Variants in PIK3AP1 observed in about 807,000 individuals in gnomAD.
The protein encoded by PIK3AP1 is phosphoinositide 3-kinase adapter protein 1.
A neutral mutation model predicts 88.1 loss-of-function variants in PIK3AP1; 21 were observed. The observed-to-expected ratio is 0.24, with a 90% CI of 0.17 to 0.34. The LOEUF (loss-of-function observed/expected upper bound fraction) is 0.34. PIK3AP1 is among the 10% of genes least tolerant of loss of function. PIK3AP1 has a pLI of 1.00. For synonymous variants in PIK3AP1, 398 were observed against 400.0 expected (o/e 1.00, Z 0.06); for missense variants, 828 against 1,035.7 (o/e 0.80, Z 2.75).
chr10:96,652,842 C>T lies in PIK3AP1; in HGVS notation c.568G>A (p.Ala190Thr), dbSNP rs748113882. 1.4e-5 allele frequency: 22 copies of T among 1,612,624 alleles called. No individual in the cohort carries two copies. The Middle Eastern group carries it at 1.6e-3, about 121-fold the overall frequency. Residue 190 changes from alanine to threonine, a missense_variant and splice_region_variant, in exon 4 of 17, where the codon GCA becomes ACA. By Grantham distance (58) the Ala-to-Thr change is moderately conservative (BLOSUM62 0). Around this residue, in one of 3 missense-constraint regions of PIK3AP1, gnomAD observed 610 missense variants for 760.1 expected, o/e 0.80. Coordinates refer to ENST00000339364, the MANE Select transcript of PIK3AP1 (RefSeq NM_152309.3). ...ACAATAACATAGACAGTGGTTTCTGCCTGAAACGGGAAGCCGGTCATTGTC... is the reference window on the plus strand; with the variant it reads ...ACAATAACATAGACAGTGGTTTCTGTCTGAAACGGGAAGCCGGTCATTGTC... ...VVQPDRIRCG[A>T]ETTVYVIVRC...
chr10:96,684,045 C>T (rs560301291), intron 2 of PIK3AP1, among the ~76,000 whole-genome samples: 1 of 152,268 alleles, frequency 6.6e-6, no homozygotes, highest in Non-Finnish European at 1.5e-5. Flanking sequence ...TTTCTGAAAA[C>T]GCCCTGACTT....
At chr10:96,668,463 T>A (rs1364291457) in intron 2 of PIK3AP1, among the ~76,000 whole-genome samples, 1 of 152,226 alleles carries the variant, frequency 6.6e-6, no homozygotes, top group Non-Finnish European at 1.5e-5. Flanking sequence ...GATGAAGGCC[T>A]GTAGCATAAA....
chr10:96,684,778 C>T (rs564617932), intron 2 of PIK3AP1, among the ~76,000 whole-genome samples: 1 of 152,250 alleles, frequency 6.6e-6, no homozygotes, highest in Admixed American at 6.5e-5. Context: ...AAAAACTTCA[C>T]CAAGAACCAT....
intron 4 of PIK3AP1, 44 bp downstream of exon 4, chr10:96,652,654 A>C (rs548940460): frequency 6.3e-7 from 1 of 1,599,982 alleles, no homozygotes; most frequent in Admixed American, 1.7e-5. Context: ...ATAGCAAATA[A>C]GCAATGAAGC....
In PIK3AP1 at chr10:96,600,539, A is replaced by G. The variant is rs543749277; in HGVS notation, c.2360+1741T>C. Among the ~76,000 whole-genome samples, 52 of 152,320 alleles carry G rather than the reference A, an allele frequency of 3.4e-4. 2 individuals carry two copies. In the South Asian group the frequency reaches 0.011, roughly 31 times the overall value. On this transcript the variant is annotated intron_variant, in intron 16 of 16. Coordinates refer to ENST00000339364, the MANE Select transcript of PIK3AP1 (RefSeq NM_152309.3). ...GGAAAGCATGCCCGGTGGGTGTGGCACAGCCTGGGCCTGGGCGATGTTTGA... is the reference window on the plus strand; with the variant it reads ...GGAAAGCATGCCCGGTGGGTGTGGCGCAGCCTGGGCCTGGGCGATGTTTGA...
At chr10:96,629,405 T>C (rs1394847451) in intron 8 of PIK3AP1, among the ~76,000 whole-genome samples, 1 of 152,052 alleles carries the variant, frequency 6.6e-6, no homozygotes, top group Admixed American at 6.6e-5. Flanking sequence ...ACTGGAACCA[T>C]ATTATTTAAT....
Position 96,677,174 on chromosome 10 carries a change from G to A in PIK3AP1, c.431-20240C>T, listed in dbSNP as rs1330646715. Among the ~76,000 whole-genome samples, 4 of 152,144 alleles carry A rather than the reference G, an allele frequency of 2.6e-5. No homozygotes were observed. In the East Asian group the frequency reaches 7.7e-4, roughly 29 times the overall value. On this transcript the variant is annotated intron_variant, in intron 2 of 16. Coordinates refer to ENST00000339364, the MANE Select transcript of PIK3AP1 (RefSeq NM_152309.3). Reference sequence around the variant, plus strand: ...GAGGGGGAACTGCCATCATCAGGGAGAAACACCGATTCAGCCATCTTCTGC... The same window carrying A: ...GAGGGGGAACTGCCATCATCAGGGAAAAACACCGATTCAGCCATCTTCTGC...
intron 1 of PIK3AP1, among the ~76,000 whole-genome samples, chr10:96,715,789 C>T (rs1430105105): frequency 6.6e-6 from 1 of 151,454 alleles, no homozygotes; most frequent in Non-Finnish European, 1.5e-5. Flanking sequence ...ACTCAGGAGG[C>T]TGAGGCAGGA....
rs552636416 is a variant in PIK3AP1, at chr10:96,668,992, C to T, written c.431-12058G>A. Among the ~76,000 whole-genome samples the T allele has an allele frequency of 1.8e-4, 27 of 152,178 alleles. No homozygotes were observed. The South Asian group carries it at 4.3e-3, about 25-fold the overall frequency. On this transcript the variant is annotated intron_variant, in intron 2 of 16. Coordinates refer to ENST00000339364, the MANE Select transcript of PIK3AP1 (RefSeq NM_152309.3). ...TAAAAATATACAAAAATTTGCCAGG[C>T]GTGGTGGCACACGCCTGTAATCCCA... is the stretch of plus-strand genomic sequence containing the variant.
intron 3 of PIK3AP1, among the ~76,000 whole-genome samples, chr10:96,653,093 TAATAATAAC>T (rs1204455802): frequency 6.6e-6 from 1 of 151,870 alleles, no homozygotes; most frequent in Non-Finnish European, 1.5e-5. Flanking sequence ...AAGCTGATAA[TAATAATAAC>T]AATAATAATA....
intron 8 of PIK3AP1, among the ~76,000 whole-genome samples, chr10:96,633,556 G>A (rs1843274345): frequency 6.6e-6 from 1 of 152,176 alleles, no homozygotes; most frequent in South Asian, 2.1e-4. Context: ...AGGAATGCTA[G>A]CTACTATTAT....
At position 96,718,838 on chromosome 10, in the gene PIK3AP1, T is replaced by C. The variant is rs964071115; in HGVS notation, c.13+1544A>G. Among the ~76,000 whole-genome samples, 88 of 152,050 alleles carry C rather than the reference T, an allele frequency of 5.8e-4. 2 individuals carry two copies. Among genetic ancestry groups the C allele is most frequent in the Admixed American group, 1.4e-3 (21 of 15,254 alleles). On this transcript the variant is annotated intron_variant, in intron 1 of 16. Transcript: ENST00000339364. ...GGCTTCACTGGTTTATTATCTGGCC[T>C]CATCTCCCTCTCCCCCACAGCCCAC...
Position 96,673,503 on chromosome 10 carries a change from C to A in PIK3AP1, c.431-16569G>T, listed in dbSNP as rs143744639. The stretch of plus-strand genomic sequence containing the variant: ...CAAAGCAGGAGCTACCACAGCCCCC[C>A]CCGAAAGGCTTCCTCTTTCTTCATC... On this transcript the variant is annotated intron_variant, in intron 2 of 16. Coordinates refer to ENST00000339364, the MANE Select transcript of PIK3AP1 (RefSeq NM_152309.3). 3.9e-5 allele frequency among the ~76,000 whole-genome samples: 6 copies of A among 152,292 alleles called. No individual in the cohort carries two copies. In the South Asian group the frequency reaches 6.2e-4, roughly 16 times the overall value.
At chr10:96,716,424 G>T (rs1844503453) in intron 1 of PIK3AP1, among the ~76,000 whole-genome samples, 1 of 152,128 alleles carries the variant, frequency 6.6e-6, no homozygotes, top group African/African-American at 2.4e-5. Flanking sequence ...CAACCTATTT[G>T]GTCACTAACC....
intron 13 of PIK3AP1, 21 bp from the exon 14 acceptor site, chr10:96,609,888 G>A: frequency 6.2e-7 from 1 of 1,613,300 alleles, no homozygotes; most frequent in Non-Finnish European, 8.5e-7. Flanking sequence ...AGGAAAGAGG[G>A]ATAAGCTGTC....
intron 2 of PIK3AP1, among the ~76,000 whole-genome samples, chr10:96,691,857 A>G (rs1005137295): frequency 1.3e-5 from 2 of 152,244 alleles, no homozygotes; most frequent in Non-Finnish European, 2.9e-5. Context: ...TTACTAACAA[A>G]AAAATGCTCA....
In PIK3AP1 at chr10:96,720,313, C is replaced by G. The variant is rs1844554880; in HGVS notation, c.13+69G>C. On this transcript the variant is annotated intron_variant, in intron 1 of 16. Coordinates refer to ENST00000339364, the MANE Select transcript of PIK3AP1 (RefSeq NM_152309.3). The surrounding 1 kb of genome is among the most constrained non-coding windows in gnomAD (Gnocchi z 4.6). ...GCAAACAGAAGCAAGCGGGGGAGCGCGCCTCAAGGGATGCGGGGTACGAGA... is the reference window on the plus strand; with the variant it reads ...GCAAACAGAAGCAAGCGGGGGAGCGGGCCTCAAGGGATGCGGGGTACGAGA... 1 of 1,233,434 alleles carries G rather than the reference C, an allele frequency of 8.1e-7. No homozygotes were observed. Among genetic ancestry groups the G allele is most frequent in the African/African-American group, 1.6e-5 (1 of 64,216 alleles). 76.4% of individuals were successfully genotyped at this position (1,233,434 alleles called of 1,614,324 possible).
chr10:96,689,640 C>T (rs1163861520), intron 2 of PIK3AP1, among the ~76,000 whole-genome samples: 2 of 151,308 alleles, frequency 1.3e-5, no homozygotes, highest in African/African-American at 2.4e-5. Flanking sequence ...TCAGTGTCAT[C>T]CTCTCCATGA....
chr10:96,645,903 C>T (rs955506817), intron 7 of PIK3AP1, among the ~76,000 whole-genome samples: 1 of 152,160 alleles, frequency 6.6e-6, no homozygotes, highest in African/African-American at 2.4e-5. Context: ...ACACTAAGCA[C>T]AGAGTTAGGC....
Sources: allele counts gnomAD v4.1 joint callset (sites outside exome capture counted in the v4.1 genomes callset), GRCh38; gene constraint gnomAD v4.1.1; regional missense constraint gnomAD v4.1.1; non-coding constraint Gnocchi (gnomAD v3.1); transcripts MANE v1.5; gene names NCBI Gene and HGNC (gene_info 2026-07-23, HGNC 2026-07-21).